The following SFTPD variants were observed in gnomAD, a reference collection of about 807,000 sequenced individuals.
SFTPD encodes pulmonary surfactant-associated protein D.
Under a neutral mutation model 34.6 loss-of-function variants are expected in SFTPD, and 18 were observed. That is an observed-to-expected ratio of 0.52 (90% CI 0.36 to 0.77). SFTPD has a LOEUF of 0.77. SFTPD is among the 30% of genes least tolerant of loss of function. The pLI is 0.00. For synonymous variants in SFTPD, 155 were observed against 180.9 expected (o/e 0.86, Z 1.15); for missense variants, 433 against 468.9 (o/e 0.92, Z 0.71).
intron 1 of SFTPD, among the ~76,000 whole-genome samples, chr10:79,962,819 T>G (rs1270637422): frequency 6.6e-6 from 1 of 152,208 alleles, no homozygotes; most frequent in African/African-American, 2.4e-5. Flanking sequence ...CATATAAATT[T>G]AACCCACTCT....
chr10:79,980,631 TTGTC>T (rs993576101), intron 1 of SFTPD, among the ~76,000 whole-genome samples: 10 of 152,268 alleles, frequency 6.6e-5, no homozygotes, highest in South Asian at 2.1e-4. Context: ...GAGAAAGACT[TTGTC>T]TGTTTGGGAG....
At chr10:79,968,027 G>GAA (rs1431508464) in intron 1 of SFTPD, among the ~76,000 whole-genome samples, 1 of 115,596 alleles carries the variant, frequency 8.7e-6, no homozygotes. Flanking sequence ...TTATTGCTCA[G>GAA]AAAAAAAAAA....
At chr10:79,980,880 C>A (rs1359052912) in intron 1 of SFTPD, among the ~76,000 whole-genome samples, 2 of 152,322 alleles carry the variant, frequency 1.3e-5, no homozygotes, top group Non-Finnish European at 2.9e-5. Flanking sequence ...AACCAGCCCA[C>A]ACTGAAAAGA....
chr10:79,981,974 C>A lies in SFTPD; in HGVS notation c.36+601G>T, dbSNP rs1589345944. ...TCCTCGTCTCCTTGTCTCCCGTGCCCGCGTCAGGCCGCCAGCCTCGCCCAC... is the reference window on the plus strand; with the variant it reads ...TCCTCGTCTCCTTGTCTCCCGTGCCAGCGTCAGGCCGCCAGCCTCGCCCAC... On this transcript the variant is annotated intron_variant, in intron 1 of 5. Transcript: ENST00000444384. 7 of 306,620 alleles carry A rather than the reference C, an allele frequency of 2.3e-5. No individual in the cohort carries two copies. In the East Asian group the frequency reaches 5.1e-4, roughly 22 times the overall value. The allele number at this position is 306,620 out of a possible 1,614,324, so 19.0% of individuals were successfully genotyped here.
chr10:79,944,379 A>C (rs1187423894), intron 2 of SFTPD, among the ~76,000 whole-genome samples: 1 of 152,148 alleles, frequency 6.6e-6, no homozygotes, highest in Admixed American at 6.5e-5. Context: ...TGTTGGGGGT[A>C]GGGTCTGTTT....
At chr10:79,965,247 T>C (rs1047946168) in intron 1 of SFTPD, among the ~76,000 whole-genome samples, 1 of 152,174 alleles carries the variant, frequency 6.6e-6, no homozygotes, top group Non-Finnish European at 1.5e-5. Context: ...AATACCTGTT[T>C]TTCTCCTTCT....
At chr10:79,971,227 G>A (rs1455655677) in intron 1 of SFTPD, 1 of 152,104 alleles carries the variant, frequency 6.6e-6, no homozygotes, top group Non-Finnish European at 1.5e-5. Flanking sequence ...TATGGTGAAT[G>A]ATATTTTTAA....
chr10:79,948,118 G>C (rs996474081), intron 1 of SFTPD, among the ~76,000 whole-genome samples: 1 of 152,158 alleles, frequency 6.6e-6, no homozygotes. Flanking sequence ...ACTTCCTTGG[G>C]TATCCTGGTA....
At position 79,937,822 on chromosome 10, in the gene SFTPD, C is replaced by CCAA. The variant is rs1842570920; in HGVS notation, c.*27_*29dup. 6.6e-7 allele frequency: 1 copy of CCAA among 1,516,486 alleles called. No individual in the cohort carries two copies. The highest frequency in any genetic ancestry group is 2.3e-5 in the East Asian group (1 of 43,742). The allele number at this position is 1,516,486 out of a possible 1,614,324, so 93.9% of individuals were successfully genotyped here. ...CTTGACTTCTGGCCAAACTCCTGGGCCAAGCACTGCCCCACCCACCCCAGT... is the reference window on the plus strand; with the variant it reads ...CTTGACTTCTGGCCAAACTCCTGGGCCAACAAGCACTGCCCCACCCACCCCAGT... On this transcript the variant is annotated 3_prime_UTR_variant, in exon 8 of 8. Transcript: ENST00000372292.
intron 1 of SFTPD, among the ~76,000 whole-genome samples, chr10:79,959,414 G>T (rs1842758938): frequency 6.6e-6 from 1 of 152,026 alleles, no homozygotes; most frequent in African/African-American, 2.4e-5. Context: ...TAATAAAGAA[G>T]AAAAGGGAGA....
At chr10:79,974,823 C>A (rs1169709322) in intron 1 of SFTPD, among the ~76,000 whole-genome samples, 4 of 152,162 alleles carry the variant, frequency 2.6e-5, no homozygotes, top group Non-Finnish European at 5.9e-5. Context: ...CCCAGCAGTG[C>A]TAGAGGAATT....
chr10:79,953,808 G>A (rs964674336), upstream of SFTPD, among the ~76,000 whole-genome samples: 5 of 151,840 alleles, frequency 3.3e-5, no homozygotes, highest in East Asian at 1.9e-4. Context: ...TTGCTTCATC[G>A]TGTCCCATAA....
chr10:79,963,123 C>T (rs2247820), intron 1 of SFTPD, among the ~76,000 whole-genome samples: 1 of 151,770 alleles, frequency 6.6e-6, no homozygotes, highest in Non-Finnish European at 1.5e-5. Context: ...TGAGAGGATT[C>T]TTTGAGGCCA....
chr10:79,969,263 C>A (rs1186852085), intron 1 of SFTPD: 1 of 152,074 alleles, frequency 6.6e-6, no homozygotes, highest in Non-Finnish European at 1.5e-5. Flanking sequence ...ATCACAAGGT[C>A]AGGAGTTAGA....
Position 79,937,743 on chromosome 10 carries a change from C to T in SFTPD, c.*109G>A. ...GCCACATTCTGGAGAGAAGTCCTTCCCGGCACAGATGGTCACCTTTTTATT... is the reference window on the plus strand; with the variant it reads ...GCCACATTCTGGAGAGAAGTCCTTCTCGGCACAGATGGTCACCTTTTTATT... On this transcript the variant is annotated 3_prime_UTR_variant, in exon 8 of 8. Coordinates refer to ENST00000372292, the MANE Select transcript of SFTPD (RefSeq NM_003019.5). The T allele has an allele frequency of 8.1e-7, 1 of 1,234,006 alleles. No individual in the cohort carries two copies. The highest frequency in any genetic ancestry group is 1.1e-6 in the Non-Finnish European group (1 of 902,666). The allele number at this position is 1,234,006 out of a possible 1,614,324, so 76.4% of individuals were successfully genotyped here. A position where few individuals can be genotyped will look rare whatever the true frequency, so the allele number is the denominator to read the frequency against.
intron 1 of SFTPD, among the ~76,000 whole-genome samples, chr10:79,948,578 G>A (rs997092436): frequency 6.6e-6 from 1 of 152,142 alleles, no homozygotes; most frequent in Admixed American, 6.5e-5. Flanking sequence ...ACCTACTCCA[G>A]TAAGTATATT....
chr10:79,960,193 G>A (rs922002626), intron 1 of SFTPD, among the ~76,000 whole-genome samples: 2 of 149,708 alleles, frequency 1.3e-5, no homozygotes, highest in Non-Finnish European at 3.0e-5. Context: ...ATATCATACT[G>A]AATGGGCAAA....
chr10:79,958,370 G>A (rs1842752214), intron 1 of SFTPD, among the ~76,000 whole-genome samples: 1 of 152,170 alleles, frequency 6.6e-6, no homozygotes, highest in Non-Finnish European at 1.5e-5. Flanking sequence ...TGGATAAAGA[G>A]TCAAGACCCA....
In SFTPD at chr10:79,942,524, CG is replaced by C. The variant is rs762511907; in HGVS notation, c.317-21del. 24 of 1,494,910 alleles carry C rather than the reference CG, an allele frequency of 1.6e-5. 1 individual carries two copies. In the South Asian group the frequency reaches 2.7e-4, roughly 17 times the overall value. The allele number at this position is 1,494,910 out of a possible 1,614,324, so 92.6% of individuals were successfully genotyped here. A position where few individuals can be genotyped will look rare whatever the true frequency, so the allele number is the denominator to read the frequency against. On this transcript the variant is annotated intron_variant, in intron 3 of 7. Transcript: ENST00000372292. ...GAGGTCCTGAGCAAAAGCACCAGCCCGGTCAGTAACAATGAATCCTCTTGGC... is the reference window on the plus strand; with the variant it reads ...GAGGTCCTGAGCAAAAGCACCAGCCCGTCAGTAACAATGAATCCTCTTGGC...
Sources: gnomAD v4.1 joint callset for allele counts (sites outside exome capture counted in the v4.1 genomes callset) on GRCh38, gnomAD v4.1.1 for gene constraint, MANE v1.5 for transcripts, NCBI Gene and HGNC (gene_info 2026-07-23, HGNC 2026-07-21) for gene names.